RASSF8: variants seen among roughly 807,000 people sequenced by gnomAD.
RASSF8 encodes the protein ras association domain-containing protein 8.
RASSF8 carries 22 observed loss-of-function variants against 48.5 expected under a neutral mutation model. The observed-to-expected ratio is 0.45, with a 90% CI of 0.32 to 0.65. RASSF8 has a LOEUF of 0.65. Ranked by LOEUF, RASSF8 falls within the 30% of genes least tolerant of loss-of-function variation. The probability of loss-of-function intolerance (pLI) is 0.03; values close to 1 mark genes in which losing one functional copy is unlikely to be tolerated. For missense variants in RASSF8, 418 were observed against 489.2 expected, an observed-to-expected ratio of 0.85 and a Z score of 1.37; for synonymous variants, 127 against 171.5, an observed-to-expected ratio of 0.74 and a Z score of 2.03.
intron 1 of RASSF8, among the ~76,000 whole-genome samples, chr12:25,969,622 C>T (rs1404594038): frequency 3.3e-5 from 5 of 152,022 alleles, no homozygotes; most frequent in South Asian, 4.1e-4. Context: ...GGAGAAGGGT[C>T]ACATCCTGGG....
chr12:26,054,800 T>G lies in RASSF8; in HGVS notation c.-108-436T>G, dbSNP rs140702592. ...AGTAAGATACTTTGACAACTGTTCT[T>G]AAATTTGTTAATAGTATTGGCAAAA... On this transcript the variant is annotated intron_variant, in intron 2 of 5. Coordinates refer to ENST00000689635, the MANE Select transcript of RASSF8 (RefSeq NM_001394098.1). 3.7e-3 allele frequency among the ~76,000 whole-genome samples: 569 copies of G among 152,328 alleles called. 7 individuals are homozygous for G. Among genetic ancestry groups the G allele is most frequent in the African/African-American group, 0.012 (516 of 41,570 alleles).
At chr12:26,006,025 C>A (rs1240677491) in intron 2 of RASSF8, among the ~76,000 whole-genome samples, 9 of 152,108 alleles carry the variant, frequency 5.9e-5, no homozygotes, top group Admixed American at 3.3e-4. Flanking sequence ...CCGTTGGTTT[C>A]TGTTAAAAGA....
intron 1 of RASSF8, among the ~76,000 whole-genome samples, chr12:25,970,631 A>G (rs1170457961): frequency 6.6e-6 from 1 of 152,204 alleles, no homozygotes; most frequent in Non-Finnish European, 1.5e-5. Flanking sequence ...CTAAAAGCCC[A>G]ACCCTCAGTG....
At chr12:26,051,150 C>G (rs1451244274) in intron 2 of RASSF8, among the ~76,000 whole-genome samples, 2 of 152,186 alleles carry the variant, frequency 1.3e-5, no homozygotes, top group Non-Finnish European at 2.9e-5. Context: ...CCGAGACTCA[C>G]TTTTCTCATA....
intron 1 of RASSF8, among the ~76,000 whole-genome samples, chr12:25,983,156 A>G (rs1296261761): frequency 6.6e-6 from 1 of 152,242 alleles, no homozygotes; most frequent in East Asian, 1.9e-4. Context: ...CTCAGATATT[A>G]TAGTTGTCAG....
chr12:26,007,435 G>A (rs1942418979), intron 2 of RASSF8, among the ~76,000 whole-genome samples: 2 of 152,206 alleles, frequency 1.3e-5, no homozygotes, highest in South Asian at 4.1e-4. Flanking sequence ...GCATCTACTG[G>A]AAGGACAGGT....
chr12:26,062,038 G>T (rs1408610865), intron 3 of RASSF8, among the ~76,000 whole-genome samples: 1 of 152,100 alleles, frequency 6.6e-6, no homozygotes, highest in Admixed American at 6.5e-5. Flanking sequence ...AAAATATTTT[G>T]TTTAGTTCAT....
chr12:26,069,930 A>C lies in RASSF8; in HGVS notation c.*1112A>C. The stretch of plus-strand genomic sequence containing the variant: ...AAAGTCAAATTCAGCATATGTTTTT[A>C]TTTTTAGGCTTGACTTTTACAAGAC... On this transcript the variant is annotated 3_prime_UTR_variant, in exon 6 of 6. Coordinates refer to ENST00000689635, the MANE Select transcript of RASSF8 (RefSeq NM_001394098.1). The C allele has an allele frequency of 3.1e-6, 3 of 980,350 alleles. No homozygotes were observed. The highest frequency in any genetic ancestry group is 3.6e-6 in the Non-Finnish European group (3 of 825,316). 60.7% of individuals were successfully genotyped at this position (980,350 alleles called of 1,614,324 possible).
intron 2 of RASSF8, among the ~76,000 whole-genome samples, chr12:26,006,549 C>T (rs1181278804): frequency 6.6e-6 from 1 of 152,192 alleles, no homozygotes; most frequent in Non-Finnish European, 1.5e-5. Context: ...ACGTGGACTA[C>T]ATATATGTTT....
chr12:26,076,954 A>T (rs1336069679), downstream of RASSF8, among the ~76,000 whole-genome samples: 2 of 152,174 alleles, frequency 1.3e-5, no homozygotes, highest in Non-Finnish European at 2.9e-5. Flanking sequence ...AATGATTGCC[A>T]TTCTAACTGG....
chr12:26,064,327 C>T (rs1219272180), intron 3 of RASSF8, among the ~76,000 whole-genome samples, 171 bp from the exon 4 acceptor site: 1 of 152,090 alleles, frequency 6.6e-6, no homozygotes, highest in African/African-American at 2.4e-5. Context: ...TGTTACATGT[C>T]GTGAGGGGTT....
chr12:25,990,763 T>C (rs998195162), intron 1 of RASSF8, among the ~76,000 whole-genome samples: 1 of 152,178 alleles, frequency 6.6e-6, no homozygotes, highest in Non-Finnish European at 1.5e-5. Flanking sequence ...AGGAATAGTT[T>C]AGAATTCTGT....
intron 2 of RASSF8, among the ~76,000 whole-genome samples, chr12:26,025,579 A>T (rs953576404): frequency 6.6e-6 from 1 of 151,482 alleles, no homozygotes; most frequent in Non-Finnish European, 1.5e-5. Context: ...AAAAAAAAAA[A>T]AGCATTCAGA....
Position 26,006,657 on chromosome 12 carries a change from T to A in RASSF8, c.-109+11527T>A, listed in dbSNP as rs544227507. On this transcript the variant is annotated intron_variant, in intron 2 of 5. Coordinates refer to ENST00000689635, the MANE Select transcript of RASSF8 (RefSeq NM_001394098.1). ...GGCACTATTGATAATTACACCAGAA[T>A]AACAGTTTAAACCATTGCTGTTCCA... Among the ~76,000 whole-genome samples the A allele has an allele frequency of 1.2e-3, 186 of 152,272 alleles. 2 individuals carry two copies. Among genetic ancestry groups the A allele is most frequent in the Non-Finnish European group, 1.9e-3 (128 of 68,028 alleles).
At chr12:26,043,382 A>G (rs1236342195) in intron 2 of RASSF8, among the ~76,000 whole-genome samples, 1 of 152,182 alleles carries the variant, frequency 6.6e-6, no homozygotes, top group East Asian at 1.9e-4. Flanking sequence ...GAACTGGGAG[A>G]GTTGCAAGAT....
At chr12:26,050,664 A>G (rs1035083402) in intron 2 of RASSF8, among the ~76,000 whole-genome samples, 1 of 152,206 alleles carries the variant, frequency 6.6e-6, no homozygotes, top group Non-Finnish European at 1.5e-5. Flanking sequence ...TTTGCTTTGT[A>G]TTTAAGACAG....
chr12:26,005,852 G>T (rs559598436), intron 2 of RASSF8, among the ~76,000 whole-genome samples: 1 of 152,146 alleles, frequency 6.6e-6, no homozygotes, highest in African/African-American at 2.4e-5. Context: ...AGAAAAACTT[G>T]TCTTGAACCT....
intron 1 of RASSF8, among the ~76,000 whole-genome samples, chr12:25,980,259 AT>A (rs1402635090): frequency 6.6e-6 from 1 of 152,224 alleles, no homozygotes; most frequent in African/African-American, 2.4e-5. Context: ...TGTAATACTC[AT>A]AATTTGATTG....
At chr12:25,967,954 G>A (rs1364972549) in intron 1 of RASSF8, among the ~76,000 whole-genome samples, 3 of 152,186 alleles carry the variant, frequency 2.0e-5, no homozygotes, top group Admixed American at 2.0e-4. Flanking sequence ...TGTCTTCGGG[G>A]CCCTTCTCTA....
Sources: gnomAD v4.1 joint callset for allele counts (sites outside exome capture counted in the v4.1 genomes callset) on GRCh38, gnomAD v4.1.1 for gene constraint, MANE v1.5 for transcripts, NCBI Gene and HGNC (gene_info 2026-07-23, HGNC 2026-07-21) for gene names.